Variants in PHLPP1 observed in about 807,000 individuals in gnomAD.
PHLPP1 encodes PH domain and leucine rich repeat protein phosphatase 1, also known as PH domain leucine-rich repeat-containing protein phosphatase 1.
PHLPP1 carries 42 observed loss-of-function variants against 117.2 expected under a neutral mutation model. The ratio of observed to expected loss-of-function variants is 0.36; its 90% CI spans 0.28 to 0.46. The LOEUF is 0.46. Ranked by LOEUF, PHLPP1 falls within the 20% of genes least tolerant of loss-of-function variation. The pLI is 1.00. For missense variants in PHLPP1, 2,084 were observed against 2,241.9 expected (o/e 0.93, Z 1.42); for synonymous variants, 1,042 against 970.7 (o/e 1.07, Z -1.37).
chr18:62,725,744 T>C (rs980746688), intron 1 of PHLPP1, among the ~76,000 whole-genome samples: 4 of 152,234 alleles, frequency 2.6e-5, no homozygotes, highest in African/African-American at 9.6e-5. Flanking sequence ...ACAGATTTCC[T>C]TTTATGCTAG....
intron 1 of PHLPP1, among the ~76,000 whole-genome samples, chr18:62,736,273 T>C (rs1371854226): frequency 2.0e-5 from 3 of 152,178 alleles, no homozygotes; most frequent in Non-Finnish European, 1.5e-5. Flanking sequence ...TCAGACTTAC[T>C]GCATAATCGG....
intron 1 of PHLPP1, among the ~76,000 whole-genome samples, chr18:62,735,040 C>CT (rs34602238): frequency 1.8e-3 from 257 of 143,168 alleles, no homozygotes; most frequent in South Asian, 2.7e-3. Flanking sequence ...GGATGTCATT[C>CT]TTTTTTTTTT....
intron 1 of PHLPP1, among the ~76,000 whole-genome samples, chr18:62,756,752 A>G (rs962381116): frequency 6.6e-6 from 1 of 152,196 alleles, no homozygotes; most frequent in African/African-American, 2.4e-5. Flanking sequence ...AGTGGGAGGA[A>G]TTGTAATATA....
intron 1 of PHLPP1, among the ~76,000 whole-genome samples, chr18:62,743,130 A>G (rs1039864816): frequency 1.3e-5 from 2 of 152,092 alleles, no homozygotes; most frequent in Non-Finnish European, 2.9e-5. Flanking sequence ...TACAAAGTCA[A>G]TTATTTTTAA....
intron 1 of PHLPP1, among the ~76,000 whole-genome samples, chr18:62,792,563 A>G (rs1913491714): frequency 1.3e-5 from 2 of 152,122 alleles, no homozygotes; most frequent in Admixed American, 6.5e-5. Context: ...AGGAACACCC[A>G]TTGATAAACT....
At chr18:62,738,670 T>C (rs977882263) in intron 1 of PHLPP1, among the ~76,000 whole-genome samples, 6 of 152,208 alleles carry the variant, frequency 3.9e-5, no homozygotes, top group African/African-American at 1.2e-4. Flanking sequence ...AAGTTTAATT[T>C]CTAAATTAGG....
At chr18:62,789,330 TG>T (rs1364001663) in intron 1 of PHLPP1, among the ~76,000 whole-genome samples, 1 of 152,174 alleles carries the variant, frequency 6.6e-6, no homozygotes, top group Non-Finnish European at 1.5e-5. Context: ...AAATCTCAGA[TG>T]GCTATATGTG....
Position 62,717,267 on chromosome 18 carries a change from A to G in PHLPP1, c.1576+8A>G. On this transcript the variant is annotated splice_region_variant and intron_variant, in intron 1 of 16. Transcript: ENST00000262719. ...TCATCCGCTTCTATGCAGGTAAGGA[A>G]GTCACCTGCCTTGACGGGTGGTTGC... 2 of 1,562,078 alleles carry G rather than the reference A, an allele frequency of 1.3e-6. No individual in the cohort carries two copies. The highest frequency in any genetic ancestry group is 1.7e-6 in the Non-Finnish European group (2 of 1,150,716).
rs375319744 is a variant in PHLPP1, at chr18:62,978,891, C to T, written c.4614C>T (p.Ser1538=). 105 of 1,606,826 alleles carry T rather than the reference C, an allele frequency of 6.5e-5. No homozygotes were observed. The African/African-American group carries it at 1.1e-3, about 17-fold the overall frequency. Residue 1538 remains serine (S), a synonymous_variant, in exon 17 of 17, where the codon AGC becomes AGT. Transcript: ENST00000262719. The surrounding 1 kb of genome is among the most constrained non-coding windows in gnomAD (Gnocchi z 7.0). ...AGCTATCCAGCGCCACGTTCTCTAG[C>T]GCCTTCTCCGACAACGGCCTTGACA... ...QRQLSSATFS[S]AFSDNGLDSD...
intron 3 of PHLPP1, among the ~76,000 whole-genome samples, chr18:62,845,100 G>C (rs1915147465): frequency 6.6e-6 from 1 of 151,910 alleles, no homozygotes; most frequent in Non-Finnish European, 1.5e-5. Flanking sequence ...CCTCAAACCT[G>C]GCCAGTTTAG....
intron 10 of PHLPP1, among the ~76,000 whole-genome samples, chr18:62,931,513 A>T (rs1395628272): frequency 1.3e-5 from 2 of 151,700 alleles, no homozygotes; most frequent in Admixed American, 1.3e-4. Flanking sequence ...AATGAAATTG[A>T]GACCAAAAAA....
intron 9 of PHLPP1, among the ~76,000 whole-genome samples, 169 bp downstream of exon 9, chr18:62,915,177 A>G (rs976961670): frequency 6.6e-6 from 1 of 152,356 alleles, no homozygotes; most frequent in African/African-American, 2.4e-5. Flanking sequence ...TGCTTCATGC[A>G]GTGCAGTGAG....
intron 1 of PHLPP1, among the ~76,000 whole-genome samples, chr18:62,717,753 T>G (rs1910804208): frequency 6.6e-6 from 1 of 152,174 alleles, no homozygotes; most frequent in Non-Finnish European, 1.5e-5. Context: ...AACTGGTGCC[T>G]TTGTTTATTC....
chr18:62,726,933 G>C (rs34895375), intron 1 of PHLPP1, among the ~76,000 whole-genome samples: 1 of 151,452 alleles, frequency 6.6e-6, no homozygotes, highest in Non-Finnish European at 1.5e-5. Context: ...CATCATTTAA[G>C]ATAGGAAGGA....
intron 2 of PHLPP1, among the ~76,000 whole-genome samples, chr18:62,831,942 G>A (rs944654577): frequency 5.3e-5 from 8 of 152,166 alleles, no homozygotes; most frequent in Admixed American, 1.3e-4. Context: ...AACTTTTGTC[G>A]GAGCATTGAA....
intron 4 of PHLPP1, 86 bp from the exon 5 acceptor site, chr18:62,894,925 C>T: frequency 8.6e-7 from 1 of 1,169,522 alleles, no homozygotes; most frequent in Non-Finnish European, 1.2e-6. Flanking sequence ...GGGAGTTGGG[C>T]TAGATTATCT....
At chr18:62,763,934 G>A (rs1028483348) in intron 1 of PHLPP1, among the ~76,000 whole-genome samples, 7 of 151,880 alleles carry the variant, frequency 4.6e-5, no homozygotes, top group Non-Finnish European at 8.8e-5. Context: ...AGGCTGAGGC[G>A]GGTGTATCAC....
intron 1 of PHLPP1, among the ~76,000 whole-genome samples, chr18:62,747,373 C>T (rs1362050538): frequency 7.3e-5 from 11 of 151,330 alleles, no homozygotes; most frequent in African/African-American, 2.7e-4. Context: ...CAACCTCCAC[C>T]TCCTGAGTTC....
chr18:62,905,535 G>T (rs1320036416), intron 8 of PHLPP1, among the ~76,000 whole-genome samples: 1 of 152,050 alleles, frequency 6.6e-6, no homozygotes, highest in Non-Finnish European at 1.5e-5. Flanking sequence ...GTAAGTTGAG[G>T]GCCATATGGC....
Sources: allele counts gnomAD v4.1 joint callset (sites outside exome capture counted in the v4.1 genomes callset), GRCh38; gene constraint gnomAD v4.1.1; non-coding constraint Gnocchi (gnomAD v3.1); transcripts MANE v1.5; gene names NCBI Gene and HGNC (gene_info 2026-07-23, HGNC 2026-07-21).